Variants in AK5 observed in about 807,000 individuals in gnomAD.
The protein encoded by AK5 is adenylate kinase 5.
AK5 carries 27 observed loss-of-function variants against 69.5 expected under a neutral mutation model. The ratio of observed to expected loss-of-function variants is 0.39; its 90% CI spans 0.29 to 0.54. AK5 has a LOEUF of 0.54. Among genes scored for constraint, AK5 ranks in the 20% least tolerant of loss-of-function variants. AK5 has a pLI of 0.71. For synonymous variants in AK5, 260 were observed against 244.4 expected (o/e 1.06, Z -0.60); for missense variants, 531 against 700.4 (o/e 0.76, Z 2.73).
chr1:77,530,454 G>A (rs1658516824), intron 12 of AK5, among the ~76,000 whole-genome samples: 1 of 152,206 alleles, frequency 6.6e-6, no homozygotes, highest in African/African-American at 2.4e-5. Flanking sequence ...GCCCTTTCCT[G>A]CCAGCACAGG....
At chr1:77,375,867 T>G (rs1647217773) in intron 6 of AK5, among the ~76,000 whole-genome samples, 1 of 152,180 alleles carries the variant, frequency 6.6e-6, no homozygotes, top group African/African-American at 2.4e-5. Flanking sequence ...GCTACATGTG[T>G]AACCTAATGA....
chr1:77,359,964 A>C lies in AK5; in HGVS notation c.891+19396A>C, dbSNP rs1417993698. Among the ~76,000 whole-genome samples the C allele has an allele frequency of 5.2e-4, 79 of 152,202 alleles. 2 individuals are homozygous for C. On this transcript the variant is annotated intron_variant, in intron 6 of 13. Transcript: ENST00000354567. The stretch of plus-strand genomic sequence containing the variant: ...CTTGAGTTAGCTGGAGCTGAGAGAT[A>C]GATTGGTAAGGGACCAAGTAGAGTT...
intron 5 of AK5, among the ~76,000 whole-genome samples, chr1:77,315,355 G>C (rs1660191682): frequency 6.6e-6 from 1 of 151,900 alleles, no homozygotes. Flanking sequence ...TGAGCCCTTA[G>C]TATACATTAG....
At chr1:77,400,261 T>G (rs1223803822) in intron 6 of AK5, among the ~76,000 whole-genome samples, 1 of 152,200 alleles carries the variant, frequency 6.6e-6, no homozygotes, top group Non-Finnish European at 1.5e-5. Context: ...TGCATCTGTC[T>G]GATGCAGACA....
intron 5 of AK5, chr1:77,314,442 A>G (rs886410255): frequency 7.8e-5 from 12 of 153,514 alleles, no homozygotes; most frequent in African/African-American, 2.9e-4. Context: ...GAATGGACCA[A>G]GAAATACAGA....
intron 6 of AK5, among the ~76,000 whole-genome samples, chr1:77,364,462 T>C (rs1646917079): frequency 6.6e-6 from 1 of 152,206 alleles, no homozygotes; most frequent in Admixed American, 6.5e-5. Flanking sequence ...TATGTAACTC[T>C]AGAACTTATT....
intron 6 of AK5, among the ~76,000 whole-genome samples, chr1:77,368,237 A>ATATATGT (rs1553140277): frequency 3.8e-4 from 3 of 7,852 alleles, no homozygotes; most frequent in African/African-American, 4.3e-4. Context: ...ATATATATAT[A>ATATATGT]TATATATATA....
chr1:77,395,211 CTT>C (rs778893210), intron 6 of AK5, among the ~76,000 whole-genome samples: 1 of 152,184 alleles, frequency 6.6e-6, no homozygotes, highest in South Asian at 2.1e-4. Context: ...TACAAAGTCT[CTT>C]TGTCATTTTG....
At chr1:77,332,880 C>A (rs1299989052) in intron 5 of AK5, among the ~76,000 whole-genome samples, 1 of 151,930 alleles carries the variant, frequency 6.6e-6, no homozygotes, top group Non-Finnish European at 1.5e-5. Context: ...CTATCAGTTG[C>A]TCAGAAAGAT....
intron 10 of AK5, among the ~76,000 whole-genome samples, chr1:77,511,948 A>C (rs1198488175): frequency 6.6e-6 from 1 of 152,164 alleles, no homozygotes; most frequent in Non-Finnish European, 1.5e-5. Context: ...AGGGAGAGAA[A>C]GATGCTATCA....
chr1:77,332,008 G>T (rs1482074934), intron 5 of AK5, among the ~76,000 whole-genome samples: 4 of 152,098 alleles, frequency 2.6e-5, no homozygotes, highest in Non-Finnish European at 5.9e-5. Flanking sequence ...CACCATCATG[G>T]CTCACTGCAG....
intron 1 of AK5, among the ~76,000 whole-genome samples, chr1:77,286,080 A>G (rs558213058): frequency 2.4e-4 from 36 of 152,330 alleles, no homozygotes; most frequent in African/African-American, 8.2e-4. Context: ...AGACAAACCT[A>G]GGGATTCAGA....
intron 12 of AK5, chr1:77,531,989 T>TCCGGCGGG: frequency 6.7e-6 from 1 of 148,624 alleles, no homozygotes; most frequent in Admixed American, 6.7e-5. Context: ...CCTGCGGCCA[T>TCCGGCGGG]CCGGCCGGCC....
intron 8 of AK5, among the ~76,000 whole-genome samples, chr1:77,471,196 T>C (rs1240484774): frequency 6.6e-6 from 1 of 151,968 alleles, no homozygotes; most frequent in Non-Finnish European, 1.5e-5. Context: ...AGACATATTT[T>C]TTAAAGCTGG....
intron 13 of AK5, among the ~76,000 whole-genome samples, chr1:77,538,654 TA>T (rs573104305): frequency 0.03 from 4,323 of 145,202 alleles, 99 homozygotes; most frequent in African/African-American, 0.064. Flanking sequence ...TCTCAAAAAA[TA>T]AAAAAAAAAA....
At chr1:77,300,793 A>G (rs946211084) in intron 5 of AK5, among the ~76,000 whole-genome samples, 7 of 152,130 alleles carry the variant, frequency 4.6e-5, no homozygotes, top group African/African-American at 7.2e-5. Flanking sequence ...TATAAATTCA[A>G]GGTTTCCATA....
intron 5 of AK5, among the ~76,000 whole-genome samples, chr1:77,316,515 T>G (rs1660251557): frequency 6.6e-6 from 1 of 152,108 alleles, no homozygotes; most frequent in Non-Finnish European, 1.5e-5. Context: ...AAATTAACCC[T>G]CAGAGGGCTA....
chr1:77,400,572 T>G (rs900166115), intron 6 of AK5, among the ~76,000 whole-genome samples: 9 of 152,134 alleles, frequency 5.9e-5, no homozygotes, highest in Non-Finnish European at 1.3e-4. Flanking sequence ...GCTAATGTCG[T>G]AGGAATAATC....
chr1:77,282,289 G>T lies in AK5; in HGVS notation c.-25G>T, dbSNP rs1233702542. 2 of 1,542,004 alleles carry T rather than the reference G, an allele frequency of 1.3e-6. No individual in the cohort carries two copies. The highest frequency in any genetic ancestry group is 4.0e-5 in the Admixed American group (2 of 49,734). ...GCAGCCCGGGAGCCTCCCCGCTTGC[G>T]CCCCAAGGCACGCGCGGCACAGCCA... On this transcript the variant is annotated 5_prime_UTR_variant, in exon 1 of 14. Transcript: ENST00000354567.
Sources: gnomAD v4.1 joint callset for allele counts (sites outside exome capture counted in the v4.1 genomes callset) on GRCh38, gnomAD v4.1.1 for gene constraint, MANE v1.5 for transcripts, NCBI Gene and HGNC (gene_info 2026-07-23, HGNC 2026-07-21) for gene names.